The following RTN4 variants were observed in gnomAD, a reference collection of about 807,000 sequenced individuals.
RTN4 encodes reticulon-4.
A neutral mutation model predicts 90.4 loss-of-function variants in RTN4; 32 were observed. That is an observed-to-expected ratio of 0.35 (90% CI 0.27 to 0.48). The LOEUF (loss-of-function observed/expected upper bound fraction) is 0.48. RTN4 is among the 20% of genes least tolerant of loss of function. RTN4 has a pLI of 0.99. For synonymous variants in RTN4, 629 were observed against 552.5 expected (o/e 1.14, Z -1.94); for missense variants, 1,706 against 1,430.2 (o/e 1.19, Z -3.11).
At chr2:55,018,632 G>C (rs1374049509) in intron 3 of RTN4, among the ~76,000 whole-genome samples, 2 of 151,944 alleles carry the variant, frequency 1.3e-5, no homozygotes, top group African/African-American at 4.8e-5. Flanking sequence ...TTAGGAACCA[G>C]GGTTCTCACT....
the RTN4 span, among the ~76,000 whole-genome samples, chr2:55,132,717 C>T: frequency 1.4e-4 from 20 of 144,314 alleles, no homozygotes; most frequent in African/African-American, 4.4e-4. Flanking sequence ...GAGAGGCTGA[C>T]GAGGGAGAAT....
At chr2:55,077,523 G>A (rs1450596973) in intron 2 of RTN4, among the ~76,000 whole-genome samples, 1 of 152,148 alleles carries the variant, frequency 6.6e-6, no homozygotes, top group Non-Finnish European at 1.5e-5. Flanking sequence ...TGGTGGGAAT[G>A]AAAACTAGTA....
the RTN4 span, among the ~76,000 whole-genome samples, chr2:55,133,389 G>C: frequency 3.5e-3 from 529 of 152,168 alleles, 4 homozygotes; most frequent in Middle Eastern, 0.014. Context: ...CCCTCTCCCT[G>C]CCTTTTTTTT....
At chr2:54,982,225 G>A (rs752293573) in intron 5 of RTN4, among the ~76,000 whole-genome samples, 3 of 151,906 alleles carry the variant, frequency 2.0e-5, no homozygotes, top group Non-Finnish European at 4.4e-5. Context: ...CAAAGTGCTA[G>A]GATTACAGGT....
intron 6 of RTN4, chr2:54,974,138 G>C (rs1677400457): frequency 2.7e-6 from 1 of 376,564 alleles, no homozygotes; most frequent in Non-Finnish European, 4.8e-6. Context: ...GGTATCCCTG[G>C]TTAGATTTAT....
At chr2:55,045,761 G>A (rs1683377978) in intron 1 of RTN4, among the ~76,000 whole-genome samples, 1 of 151,882 alleles carries the variant, frequency 6.6e-6, no homozygotes, top group Non-Finnish European at 1.5e-5. Flanking sequence ...TCCTTAATTT[G>A]GCATTCAGTA....
the RTN4 span, among the ~76,000 whole-genome samples, chr2:55,133,176 A>C: frequency 6.6e-6 from 1 of 152,204 alleles, no homozygotes; most frequent in Non-Finnish European, 1.5e-5. Flanking sequence ...ACGCCACAGC[A>C]CTACAACCTG....
At chr2:54,981,190 G>A (rs1038578079) in intron 5 of RTN4, among the ~76,000 whole-genome samples, 1 of 152,192 alleles carries the variant, frequency 6.6e-6, no homozygotes, top group East Asian at 1.9e-4. Context: ...AAGAGATGCG[G>A]CTGGGCGCAG....
intron 3 of RTN4, among the ~76,000 whole-genome samples, chr2:55,001,849 A>T (rs1318802794): frequency 1.3e-5 from 2 of 152,192 alleles, no homozygotes; most frequent in African/African-American, 4.8e-5. Context: ...AAGCAAAAGA[A>T]GCCATTTTGT....
At chr2:55,107,702 T>C (rs1667967801) in intron 1 of RTN4, among the ~76,000 whole-genome samples, 1 of 152,024 alleles carries the variant, frequency 6.6e-6, no homozygotes. Flanking sequence ...GCCCTGGGCA[T>C]CCAGAGGCCC....
At chr2:55,087,897 A>T (rs1380747829) in intron 1 of RTN4, among the ~76,000 whole-genome samples, 1 of 152,210 alleles carries the variant, frequency 6.6e-6, no homozygotes, top group Non-Finnish European at 1.5e-5. Flanking sequence ...ATATCCTAAT[A>T]ACTTTCTTAA....
chr2:55,101,700 C>G (rs1244948380), intron 1 of RTN4, among the ~76,000 whole-genome samples: 2 of 152,124 alleles, frequency 1.3e-5, no homozygotes, highest in Non-Finnish European at 2.9e-5. Context: ...CAATTTCTGT[C>G]CTCATATGAT....
intron 1 of RTN4, among the ~76,000 whole-genome samples, chr2:55,101,427 A>G (rs1386975964): frequency 5.9e-5 from 9 of 152,138 alleles, no homozygotes; most frequent in African/African-American, 9.7e-5. Context: ...TATAATACTA[A>G]TAAGTTTCTG....
At chr2:55,063,282 C>T (rs1200687102) in intron 2 of RTN4, among the ~76,000 whole-genome samples, 3 of 152,116 alleles carry the variant, frequency 2.0e-5, no homozygotes, top group Non-Finnish European at 2.9e-5. Context: ...GGAAAGCCTT[C>T]GCAAGGAGGT....
chr2:55,136,166 A>G, the RTN4 span, among the ~76,000 whole-genome samples: 2 of 152,144 alleles, frequency 1.3e-5, no homozygotes, highest in Admixed American at 6.5e-5. Context: ...AAGTTGGGTG[A>G]GTGGGCTCAA....
chr2:55,003,577 T>C (rs966330656), intron 3 of RTN4, among the ~76,000 whole-genome samples: 1 of 152,278 alleles, frequency 6.6e-6, no homozygotes, highest in Admixed American at 6.5e-5. Context: ...AAGAAAAGTA[T>C]TGCCTAAATT....
intron 3 of RTN4, among the ~76,000 whole-genome samples, chr2:54,995,789 G>C (rs1044465734): frequency 2.0e-5 from 3 of 151,982 alleles, no homozygotes; most frequent in Admixed American, 1.3e-4. Flanking sequence ...TTAGAATGTG[G>C]GAAGAAACCA....
chr2:55,103,538 T>C (rs748832581), intron 1 of RTN4, among the ~76,000 whole-genome samples: 1 of 152,008 alleles, frequency 6.6e-6, no homozygotes, highest in South Asian at 2.1e-4. Flanking sequence ...GAGAAAACTT[T>C]AGGAGGTGAT....
At position 55,016,628 on chromosome 2, in the gene RTN4, GAATAA is replaced by G. The variant is rs113816103; in HGVS notation, c.3013+8453_3013+8457del. ...ACACATGTGCATTGAAAGTAGACTA[GAATAA>G]TATATTCTAAAATATTAAACATTGA... is the stretch of plus-strand genomic sequence containing the variant. On this transcript the variant is annotated intron_variant, in intron 3 of 8. Coordinates refer to ENST00000337526, the MANE Select transcript of RTN4 (RefSeq NM_020532.5). Among the ~76,000 whole-genome samples the G allele has an allele frequency of 4.8e-3, 724 of 152,210 alleles. 3 individuals are homozygous for G. The highest frequency in any genetic ancestry group is 0.016 in the African/African-American group (673 of 41,522).
Sources: allele counts gnomAD v4.1 joint callset (sites outside exome capture counted in the v4.1 genomes callset), GRCh38; gene constraint gnomAD v4.1.1; transcripts MANE v1.5; gene names NCBI Gene and HGNC (gene_info 2026-07-23, HGNC 2026-07-21).